Variants in UMAD1 observed in about 807,000 individuals in gnomAD.
UMAD1 encodes the protein UBAP1-MVB12-associated (UMA) domain containing 1, also known as UBAP1-MVB12-associated (UMA)-domain containing protein 1.
A neutral mutation model predicts 6.1 loss-of-function variants in UMAD1; 8 were observed. That is an observed-to-expected ratio of 1.30 (90% CI 0.76 to 2.35). The LOEUF (loss-of-function observed/expected upper bound fraction) is 2.35, where lower values mean the gene tolerates loss of function less well. Among genes scored for constraint, UMAD1 ranks in the 30% most tolerant of loss-of-function variants. The pLI is 0.00. For synonymous variants in UMAD1, 56 were observed against 31.4 expected (o/e 1.78, Z -2.61); for missense variants, 130 against 78.4 (o/e 1.66, Z -2.49).
chr7:7,642,201 C>T (rs1218861919), intron 1 of UMAD1, among the ~76,000 whole-genome samples: 1 of 152,162 alleles, frequency 6.6e-6, no homozygotes. Context: ...GTAGCATGCA[C>T]ATAGCTCACT....
chr7:7,752,450 G>C (rs1781695935), intron 2 of UMAD1, among the ~76,000 whole-genome samples: 1 of 152,030 alleles, frequency 6.6e-6, no homozygotes, highest in Non-Finnish European at 1.5e-5. Context: ...TCAGGTCAAA[G>C]AGTATATATA....
At chr7:7,798,688 T>C (rs1782736604) in intron 2 of UMAD1, among the ~76,000 whole-genome samples, 1 of 152,160 alleles carries the variant, frequency 6.6e-6, no homozygotes, top group Non-Finnish European at 1.5e-5. Context: ...TCTAGTTTCC[T>C]CCCACCTTGG....
At position 7,847,092 on chromosome 7, in the gene UMAD1, AAAAAAAAAAAAAAT is replaced by A. The variant is rs1423393603; in HGVS notation, c.157-30187_157-30174del. 4.1e-4 allele frequency among the ~76,000 whole-genome samples: 12 copies of A among 29,250 alleles called. 2 individuals are homozygous for A. The highest frequency in any genetic ancestry group is 1.8e-3 in the African/African-American group (8 of 4,356). 19.2% of individuals were successfully genotyped at this position (29,250 alleles called of 152,430 possible). On this transcript the variant is annotated intron_variant, in intron 3 of 3. Transcript: ENST00000682710. ...AAAAAAAAAAGACAGCAATGCAAAAAAAAAAAAAAAAAATATATATATATATATATATATATATA... is the reference window on the plus strand; with the variant it reads ...AAAAAAAAAAGACAGCAATGCAAAAAATATATATATATATATATATATATA...
chr7:7,732,596 A>G (rs972411332), intron 2 of UMAD1, among the ~76,000 whole-genome samples: 2 of 152,170 alleles, frequency 1.3e-5, no homozygotes, highest in Admixed American at 6.5e-5. Context: ...TGGTGATCCA[A>G]CATTCAGTCT....
chr7:7,789,193 GCT>G (rs1782516187), intron 2 of UMAD1, among the ~76,000 whole-genome samples: 1 of 152,158 alleles, frequency 6.6e-6, no homozygotes, highest in East Asian at 1.9e-4. Context: ...AGGCATAGTA[GCT>G]GGGCAGGTGG....
At chr7:7,699,823 G>T (rs1033926568) in intron 2 of UMAD1, among the ~76,000 whole-genome samples, 1 of 152,190 alleles carries the variant, frequency 6.6e-6, no homozygotes, top group Admixed American at 6.5e-5. Flanking sequence ...ATGAGTAGAT[G>T]AATTGGCATG....
intron 3 of UMAD1, among the ~76,000 whole-genome samples, chr7:7,819,487 CT>C (rs1487608996): frequency 1.3e-5 from 2 of 152,118 alleles, no homozygotes; most frequent in African/African-American, 4.8e-5. Flanking sequence ...CGCTGGGAGC[CT>C]GCAGAAATCA....
chr7:7,810,251 G>A (rs139624715), intron 3 of UMAD1, among the ~76,000 whole-genome samples: 1 of 152,028 alleles, frequency 6.6e-6, no homozygotes, highest in African/African-American at 2.4e-5. Flanking sequence ...TATTGCTATT[G>A]AAGGCAGTTT....
At chr7:7,853,763 C>T (rs1783963246) in intron 3 of UMAD1, among the ~76,000 whole-genome samples, 1 of 151,970 alleles carries the variant, frequency 6.6e-6, no homozygotes, top group Non-Finnish European at 1.5e-5. Context: ...GATAGTTTTC[C>T]TTCTTCCTTC....
chr7:7,800,296 A>G (rs1278503165), intron 2 of UMAD1, among the ~76,000 whole-genome samples: 2 of 152,278 alleles, frequency 1.3e-5, no homozygotes, highest in African/African-American at 4.8e-5. Context: ...TGTTGCACAA[A>G]ACAGAGAACA....
Position 7,823,218 on chromosome 7 carries a change from C to A in UMAD1, c.156+21475C>A, listed in dbSNP as rs539557671. Among the ~76,000 whole-genome samples, 3 of 152,114 alleles carry A rather than the reference C, an allele frequency of 2.0e-5. No homozygotes were observed. In the East Asian group the frequency reaches 5.8e-4, roughly 29 times the overall value. On this transcript the variant is annotated intron_variant, in intron 3 of 3. Coordinates refer to ENST00000682710, the MANE Select transcript of UMAD1 (RefSeq NM_001302348.2). ...AACACTCCTTATTACATAAAGGAAGCCAAAATGTCACCCCCAAAAAGATAA... is the reference window on the plus strand; with the variant it reads ...AACACTCCTTATTACATAAAGGAAGACAAAATGTCACCCCCAAAAAGATAA...
chr7:7,791,236 C>T (rs1782562610), intron 2 of UMAD1, among the ~76,000 whole-genome samples: 1 of 152,198 alleles, frequency 6.6e-6, no homozygotes, highest in Non-Finnish European at 1.5e-5. Context: ...AAGCTGTACA[C>T]ACCAAAAATA....
At position 7,673,417 on chromosome 7, in the gene UMAD1, G is replaced by C; in HGVS notation, c.46G>C (p.Val16Leu). The C allele has an allele frequency of 1.9e-6, 2 of 1,041,524 alleles. No homozygotes were observed. The highest frequency in any genetic ancestry group is 1.3e-5 in the South Asian group (1 of 74,138). 64.5% of individuals were successfully genotyped at this position (1,041,524 alleles called of 1,614,324 possible). A position where few individuals can be genotyped will look rare whatever the true frequency, so the allele number is the denominator to read the frequency against. Residue 16 changes from valine to leucine, a missense_variant, in exon 2 of 4, where the codon GTA becomes CTA. Transcript: ENST00000682710. ...RKPPESKKPS[V>L]PETEADGFVL... is the part of the protein sequence containing the mutation. The stretch of plus-strand genomic sequence containing the variant: ...GCCTCCGGAATCTAAAAAGCCCTCA[G>C]TACCAGAGACAGAAGCAGATGGATT...
chr7:7,747,910 A>C (rs1781603573), intron 2 of UMAD1, among the ~76,000 whole-genome samples: 1 of 152,202 alleles, frequency 6.6e-6, no homozygotes, highest in South Asian at 2.1e-4. Flanking sequence ...TTCTGAGCCA[A>C]AAAAGTAGGA....
intron 2 of UMAD1, among the ~76,000 whole-genome samples, chr7:7,791,080 G>A (rs1319962858): frequency 1.3e-5 from 2 of 152,156 alleles, no homozygotes; most frequent in African/African-American, 4.8e-5. Flanking sequence ...TAGACATGGG[G>A]TTTCACCATG....
intron 3 of UMAD1, among the ~76,000 whole-genome samples, chr7:7,826,755 A>AT (rs1351865060): frequency 6.6e-6 from 1 of 152,072 alleles, no homozygotes; most frequent in Non-Finnish European, 1.5e-5. Context: ...CTCATTGACT[A>AT]TATCTATCAG....
intron 3 of UMAD1, chr7:7,868,446 C>T (rs943535518): frequency 2.0e-5 from 3 of 152,002 alleles, no homozygotes; most frequent in Admixed American, 6.6e-5. Context: ...CTTGTATGTA[C>T]GTTCAGCTGG....
chr7:7,676,194 C>G (rs1779734174), intron 2 of UMAD1: 5 of 398,576 alleles, frequency 1.3e-5, no homozygotes, highest in African/African-American at 4.1e-5. Context: ...ACGACTTACT[C>G]TCTACCCTTG....
At chr7:7,803,258 T>C (rs1001217790) in intron 3 of UMAD1, among the ~76,000 whole-genome samples, 5 of 152,230 alleles carry the variant, frequency 3.3e-5, no homozygotes, top group African/African-American at 4.8e-5. Context: ...AGAGGATTGC[T>C]TGAGGCTAGG....
Sources: allele counts gnomAD v4.1 joint callset (sites outside exome capture counted in the v4.1 genomes callset), GRCh38; gene constraint gnomAD v4.1.1; transcripts MANE v1.5; gene names NCBI Gene and HGNC (gene_info 2026-07-23, HGNC 2026-07-21).